ASPH: variants seen among roughly 807,000 people sequenced by gnomAD.
ASPH encodes the protein aspartyl/asparaginyl beta-hydroxylase.
A neutral mutation model predicts 118.4 loss-of-function variants in ASPH; 100 were observed. The ratio of observed to expected loss-of-function variants is 0.84; its 90% confidence interval spans 0.72 to 1.00. The LOEUF is 1.00. Ranked by LOEUF, ASPH falls within the 50% of genes least tolerant of loss-of-function variation. The pLI, the probability that ASPH is intolerant of heterozygous loss-of-function variation, is 0.00. For missense variants in ASPH, 920 were observed against 919.5 expected (o/e 1.00, Z -0.01); for synonymous variants, 315 against 325.6 (o/e 0.97, Z 0.35).
intron 24 of ASPH, among the ~76,000 whole-genome samples, chr8:61,511,710 T>A (rs1450440113): frequency 6.6e-6 from 1 of 152,208 alleles, no homozygotes; most frequent in South Asian, 2.1e-4. Flanking sequence ...TTCAAGTGAT[T>A]CTCCTGCTTC....
intron 22 of ASPH, among the ~76,000 whole-genome samples, chr8:61,524,550 G>A (rs918804993): frequency 2.0e-5 from 3 of 152,222 alleles, no homozygotes; most frequent in Non-Finnish European, 4.4e-5. Context: ...ATGGGAATAA[G>A]AATTTAACAA....
In ASPH at chr8:61,511,760, T is replaced by C. The variant is rs535879465; in HGVS notation, c.2126+5768A>G. On this transcript the variant is annotated intron_variant, in intron 24 of 24. Transcript: ENST00000379454. ...CTGGGATTACAGGCATTAGCCACCATGCCCGGCTAATTTTTGTATTTTTAG... is the reference window on the plus strand; with the variant it reads ...CTGGGATTACAGGCATTAGCCACCACGCCCGGCTAATTTTTGTATTTTTAG... Among the ~76,000 whole-genome samples the C allele has an allele frequency of 2.6e-5, 4 of 152,294 alleles. No homozygotes were observed. In the East Asian group the frequency reaches 5.8e-4, roughly 22 times the overall value.
intron 20 of ASPH, among the ~76,000 whole-genome samples, chr8:61,548,649 C>A (rs1403183254): frequency 6.6e-6 from 1 of 152,078 alleles, no homozygotes; most frequent in East Asian, 1.9e-4. Flanking sequence ...AAAATAAAAG[C>A]AGCTTCTTTT....
chr8:61,698,678 G>C (rs868711653), intron 1 of ASPH, among the ~76,000 whole-genome samples: 1 of 152,110 alleles, frequency 6.6e-6, no homozygotes, highest in Non-Finnish European at 1.5e-5. Flanking sequence ...TCCTGTGACC[G>C]GCACCCATCC....
intron 24 of ASPH, among the ~76,000 whole-genome samples, chr8:61,515,299 T>C (rs923521627): frequency 2.6e-5 from 4 of 152,230 alleles, no homozygotes; most frequent in Admixed American, 1.3e-4. Context: ...CTGCTCCTTT[T>C]CACTTTGGCA....
At chr8:61,590,545 T>C (rs1191324057) in intron 14 of ASPH, among the ~76,000 whole-genome samples, 1 of 111,076 alleles carries the variant, frequency 9.0e-6, no homozygotes, top group African/African-American at 3.3e-5. Context: ...GACCTTAATT[T>C]AACTCTGTGT....
intron 21 of ASPH, among the ~76,000 whole-genome samples, chr8:61,539,077 C>T (rs191121653): frequency 3.9e-5 from 6 of 152,026 alleles, no homozygotes; most frequent in Admixed American, 3.3e-4. Context: ...CCCGTCTCTA[C>T]TAAAAATACA....
intron 20 of ASPH, among the ~76,000 whole-genome samples, chr8:61,552,318 A>G (rs1179353416): frequency 2.0e-5 from 3 of 152,212 alleles, no homozygotes; most frequent in Admixed American, 6.5e-5. Flanking sequence ...AATTTATAGC[A>G]TGCGATGTCA....
intron 1 of ASPH, among the ~76,000 whole-genome samples, chr8:61,695,582 C>T (rs1419952280): frequency 6.6e-6 from 1 of 152,250 alleles, no homozygotes; most frequent in African/African-American, 2.4e-5. Context: ...AAGCCTTCCT[C>T]ACTTCCCTTA....
At chr8:61,640,868 C>A (rs950330686) in intron 10 of ASPH, among the ~76,000 whole-genome samples, 2 of 152,172 alleles carry the variant, frequency 1.3e-5, no homozygotes, top group Non-Finnish European at 2.9e-5. Context: ...GAAGCTGGTT[C>A]CTACTATAGT....
At position 61,526,057 on chromosome 8, in the gene ASPH, T is replaced by G; in HGVS notation, c.1820A>C (p.Lys607Thr). Residue 607 changes from lysine to threonine, a missense_variant, in exon 22 of 25, where the codon AAA becomes ACA. Physicochemically the swap from Lys to Thr is moderately conservative, Grantham distance 78 (BLOSUM62 -1). Coordinates refer to ENST00000379454, the MANE Select transcript of ASPH (RefSeq NM_004318.4). ...IRDEGLAVMD[K>T]AKGLFLPEDE... ...CTCAGGCAGGAAGAGACCTTTGGCT[T>G]TATCCATCACTGCAAGGCCTTCATC... The G allele has an allele frequency of 6.2e-7, 1 of 1,614,054 alleles. No homozygotes were observed.
chr8:61,668,270 G>A (rs775001202), intron 3 of ASPH: 2 of 1,605,578 alleles, frequency 1.2e-6, no homozygotes, highest in South Asian at 2.2e-5. Context: ...ACCCCACTGG[G>A]TCCTTCTGTT....
intron 14 of ASPH, among the ~76,000 whole-genome samples, chr8:61,596,582 C>T (rs116297315): frequency 7.0e-4 from 107 of 152,360 alleles, no homozygotes; most frequent in African/African-American, 2.5e-3. Flanking sequence ...TCACCACAGC[C>T]TCCACTAAAA....
intron 4 of ASPH, among the ~76,000 whole-genome samples, chr8:61,652,776 G>C (rs1195670172): frequency 6.6e-6 from 1 of 152,092 alleles, no homozygotes; most frequent in Non-Finnish European, 1.5e-5. Context: ...ACAGGAATGA[G>C]AGAGAATACA....
At chr8:61,700,659 A>C (rs149745485) in intron 1 of ASPH, among the ~76,000 whole-genome samples, 1 of 152,328 alleles carries the variant, frequency 6.6e-6, no homozygotes, top group Non-Finnish European at 1.5e-5. Flanking sequence ...ATTTCACAGG[A>C]AACAAACAAC....
At chr8:61,714,072 G>A (rs1028407948) in intron 1 of ASPH, among the ~76,000 whole-genome samples, 197 bp downstream of exon 1, 1 of 152,194 alleles carries the variant, frequency 6.6e-6, no homozygotes, top group Non-Finnish European at 1.5e-5. Flanking sequence ...CTCGGACCCC[G>A]GTCCGCCTGG....
chr8:61,548,485 C>G (rs1172016802), intron 20 of ASPH, among the ~76,000 whole-genome samples: 3 of 152,092 alleles, frequency 2.0e-5, no homozygotes, highest in Non-Finnish European at 4.4e-5. Flanking sequence ...ACATTTTGGT[C>G]TCCCTCGAGT....
chr8:61,672,079 A>G, intron 3 of ASPH, among the ~76,000 whole-genome samples: 1 of 152,234 alleles, frequency 6.6e-6, no homozygotes, highest in Non-Finnish European at 1.5e-5. Context: ...TTCAACATTG[A>G]CTACAAATAG....
chr8:61,538,458 C>T (rs1160284229), intron 21 of ASPH, among the ~76,000 whole-genome samples: 3 of 152,194 alleles, frequency 2.0e-5, no homozygotes, highest in Non-Finnish European at 4.4e-5. Flanking sequence ...TATTAATCCT[C>T]TTAATTTACA....
Sources: allele counts gnomAD v4.1 joint callset (sites outside exome capture counted in the v4.1 genomes callset), GRCh38; gene constraint gnomAD v4.1.1; transcripts MANE v1.5; gene names NCBI Gene and HGNC (gene_info 2026-07-23, HGNC 2026-07-21).